LOC128462377: variants seen among roughly 807,000 people sequenced by gnomAD.
At chr16:89,411,164 C>G in the LOC128462377 span, among the ~76,000 whole-genome samples, 18 of 152,268 alleles carry the variant, frequency 1.2e-4, no homozygotes, top group Non-Finnish European at 2.2e-4. Context: ...CGCTGGCTGT[C>G]CACACCCAGG....
At chr16:89,353,109 C>G in the LOC128462377 span, among the ~76,000 whole-genome samples, 50 of 152,234 alleles carry the variant, frequency 3.3e-4, no homozygotes, top group East Asian at 9.5e-3. Flanking sequence ...TTTGGGAGGC[C>G]AAGGCAGGTG....
chr16:89,408,293 T>G, the LOC128462377 span, among the ~76,000 whole-genome samples: 1 of 152,204 alleles, frequency 6.6e-6, no homozygotes, highest in Non-Finnish European at 1.5e-5. Flanking sequence ...CACATTCACT[T>G]TAGCCTTGGG....
the LOC128462377 span, chr16:89,340,106 T>C: frequency 2.0e-5 from 3 of 152,232 alleles, no homozygotes; most frequent in Admixed American, 2.0e-4. Flanking sequence ...AACACTAAAA[T>C]GAGTATTTGT....
the LOC128462377 span, among the ~76,000 whole-genome samples, chr16:89,409,673 CTGGTTGTCG>C: frequency 6.6e-6 from 1 of 152,198 alleles, no homozygotes; most frequent in African/African-American, 2.4e-5. Context: ...CACACGAAAA[CTGGTTGTCG>C]TGTTACTAAA....
At chr16:89,380,429 C>T in the LOC128462377 span, among the ~76,000 whole-genome samples, 2 of 152,134 alleles carry the variant, frequency 1.3e-5, no homozygotes, top group Non-Finnish European at 2.9e-5. Flanking sequence ...GCCATTTTAA[C>T]TCCTTTTCTC....
chr16:89,324,627 A>G, the LOC128462377 span: 24 of 412,010 alleles, frequency 5.8e-5, no homozygotes, highest in South Asian at 4.0e-4. Flanking sequence ...GAAGCACTGG[A>G]CTGGCTGAGT....
the LOC128462377 span, among the ~76,000 whole-genome samples, chr16:89,405,282 C>A: frequency 6.6e-6 from 1 of 152,150 alleles, no homozygotes; most frequent in Non-Finnish European, 1.5e-5. Flanking sequence ...TGGGGCATGA[C>A]TGTATTCTGT....
the LOC128462377 span, among the ~76,000 whole-genome samples, chr16:89,371,063 G>A: frequency 6.6e-6 from 1 of 152,182 alleles, no homozygotes; most frequent in African/African-American, 2.4e-5. Context: ...AAGGGGACTT[G>A]TTCAGGTGAG....
At chr16:89,356,594 AC>A in the LOC128462377 span, among the ~76,000 whole-genome samples, 1 of 139,450 alleles carries the variant, frequency 7.2e-6, no homozygotes, top group South Asian at 2.3e-4. Flanking sequence ...ACACAGTAAA[AC>A]CCCATCTCTA....
chr16:89,331,377 G>A, the LOC128462377 span, among the ~76,000 whole-genome samples: 1 of 152,138 alleles, frequency 6.6e-6, no homozygotes, highest in Admixed American at 6.5e-5. Flanking sequence ...ACAACTCTAT[G>A]GGACAGAAGA....
the LOC128462377 span, among the ~76,000 whole-genome samples, chr16:89,330,578 C>T: frequency 6.8e-6 from 1 of 147,316 alleles, no homozygotes; most frequent in Non-Finnish European, 1.5e-5. Context: ...GCCACGGCAC[C>T]TCTGTGACCT....
the LOC128462377 span, among the ~76,000 whole-genome samples, chr16:89,413,958 C>A: frequency 1.3e-5 from 2 of 152,248 alleles, no homozygotes; most frequent in East Asian, 3.9e-4. Context: ...GGGACCCCAG[C>A]ACAGCAACAG....
At chr16:89,370,824 C>G in the LOC128462377 span, 1 of 152,634 alleles carries the variant, frequency 6.6e-6, no homozygotes, top group Non-Finnish European at 1.5e-5. Context: ...AGACGACCCC[C>G]AGGCCGGCTC....
the LOC128462377 span, among the ~76,000 whole-genome samples, chr16:89,417,797 A>G: frequency 3.3e-5 from 5 of 152,112 alleles, no homozygotes; most frequent in Non-Finnish European, 5.9e-5. Flanking sequence ...TAACGAGCAG[A>G]ACAGCTCCCA....
At chr16:89,399,738 G>A in the LOC128462377 span, among the ~76,000 whole-genome samples, 2 of 152,216 alleles carry the variant, frequency 1.3e-5, no homozygotes, top group African/African-American at 2.4e-5. Context: ...GCCCAGGGGT[G>A]CGGGGGAACC....
chr16:89,407,095 T>C, the LOC128462377 span, among the ~76,000 whole-genome samples: 2 of 151,368 alleles, frequency 1.3e-5, no homozygotes, highest in Middle Eastern at 3.4e-3. Context: ...CTGAGGCTGG[T>C]GAAGCCCAGG....
chr16:89,411,910 C>G, the LOC128462377 span, among the ~76,000 whole-genome samples: 1 of 151,538 alleles, frequency 6.6e-6, no homozygotes, highest in East Asian at 2.0e-4. Context: ...TCCCCTCAGC[C>G]AGGTACTGGG....
chr16:89,320,538 C>T, the LOC128462377 span, among the ~76,000 whole-genome samples: 1 of 152,206 alleles, frequency 6.6e-6, no homozygotes, highest in East Asian at 1.9e-4. Context: ...CCCCAGGCCA[C>T]GCATTCCTTG....
the LOC128462377 span, among the ~76,000 whole-genome samples, chr16:89,325,473 A>T: frequency 5.7e-3 from 508 of 88,368 alleles, 2 homozygotes; most frequent in East Asian, 0.044. Context: ...TCTCTCTCAC[A>T]CACACACACA....
Sources: allele counts gnomAD v4.1 joint callset (sites outside exome capture counted in the v4.1 genomes callset), GRCh38; gene constraint gnomAD v4.1.1; transcripts MANE v1.5.